The following CFAP299 variants were observed in gnomAD, a reference collection of about 807,000 sequenced individuals.
CFAP299 encodes cilia and flagella associated protein 299.
A neutral mutation model predicts 27.0 loss-of-function variants in CFAP299; 21 were observed. The observed-to-expected ratio is 0.78, with a 90% CI of 0.55 to 1.12. The LOEUF is 1.12. Among genes scored for constraint, CFAP299 ranks in the 50% most tolerant of loss-of-function variants. CFAP299 has a pLI of 0.00. For missense variants in CFAP299, 310 were observed against 276.6 expected (o/e 1.12, Z -0.86); for synonymous variants, 104 against 98.1 (o/e 1.06, Z -0.36).
rs140451968 is a variant in CFAP299, at chr4:80,369,599, C to T, written c.242+6715C>T. 1.2e-4 allele frequency among the ~76,000 whole-genome samples: 19 copies of T among 152,162 alleles called. No homozygotes were observed. In the East Asian group the frequency reaches 3.1e-3, roughly 25 times the overall value. On this transcript the variant is annotated intron_variant, in intron 2 of 5. Transcript: ENST00000358105. ...GTTAGCCATGTATTCTTCCCTATCC[C>T]CATTCTATAACTGCAGTCCTTCTTT...
chr4:80,484,344 A>G (rs1442971631), intron 2 of CFAP299, among the ~76,000 whole-genome samples: 2 of 152,150 alleles, frequency 1.3e-5, no homozygotes, highest in Non-Finnish European at 2.9e-5. Context: ...AAAATAAAAT[A>G]TTTTCCCCAT....
At chr4:80,478,182 G>A (rs1730375556) in intron 2 of CFAP299, among the ~76,000 whole-genome samples, 1 of 152,098 alleles carries the variant, frequency 6.6e-6, no homozygotes, top group South Asian at 2.1e-4. Flanking sequence ...TGTATTGTAT[G>A]CCAACTTTTA....
rs150431594 is a variant in CFAP299, at chr4:80,543,145, C to T, written c.243-39948C>T. Among the ~76,000 whole-genome samples the T allele has an allele frequency of 2.4e-3, 370 of 152,320 alleles. 1 individual carries two copies. Among genetic ancestry groups the T allele is most frequent in the African/African-American group, 8.4e-3 (351 of 41,568 alleles). On this transcript the variant is annotated intron_variant, in intron 2 of 5. Transcript: ENST00000358105. ...GTATCTAGAAACAGTCATTCAACTA[C>T]ACGCAACTGGCACCACAGTCAAATG...
At chr4:80,726,218 T>A (rs529495642) in intron 3 of CFAP299, among the ~76,000 whole-genome samples, 129 of 152,202 alleles carry the variant, frequency 8.5e-4, no homozygotes, top group Non-Finnish European at 1.6e-3. Flanking sequence ...AATGAGTGTG[T>A]TCATGCTGTC....
At chr4:80,336,026 G>A in intron 1 of CFAP299, 147 bp downstream of exon 1, 1 of 614,052 alleles carries the variant, frequency 1.6e-6, no homozygotes, top group Non-Finnish European at 2.9e-6. Context: ...TAAAGCCGCT[G>A]GCGAGGTGAA....
intron 3 of CFAP299, among the ~76,000 whole-genome samples, chr4:80,691,046 A>C (rs1314778326): frequency 7.5e-6 from 1 of 132,744 alleles, no homozygotes; most frequent in African/African-American, 2.8e-5. Flanking sequence ...TTGTGGCAAT[A>C]ATCAATAGCT....
Position 80,464,813 on chromosome 4 carries a change from G to A in CFAP299, c.242+101929G>A, listed in dbSNP as rs148250754. ...GAGCTTTATATTAAAAAAGTATCTG[G>A]AATATTATTAATTAATAGAAAAACA... On this transcript the variant is annotated intron_variant, in intron 2 of 5. Transcript: ENST00000358105. 1.1e-4 allele frequency among the ~76,000 whole-genome samples: 16 copies of A among 151,856 alleles called. No individual in the cohort carries two copies. The East Asian group carries it at 2.9e-3, about 27-fold the overall frequency.
chr4:80,772,715 C>T (rs1726290188), intron 3 of CFAP299, among the ~76,000 whole-genome samples: 1 of 151,928 alleles, frequency 6.6e-6, no homozygotes, highest in African/African-American at 2.4e-5. Context: ...CCTCCTCTTG[C>T]CCTCCGCCTC....
chr4:80,891,665 A>C (rs1192970384), intron 4 of CFAP299, among the ~76,000 whole-genome samples: 1 of 116,878 alleles, frequency 8.6e-6, no homozygotes, highest in Non-Finnish European at 1.8e-5. Context: ...ACCTAATGCT[A>C]GATGACACGT....
rs539656000 is a variant in CFAP299 at position 80,460,834 on chromosome 4, A to G, written c.242+97950A>G. On this transcript the variant is annotated intron_variant, in intron 2 of 5. Transcript: ENST00000358105. ...GCCAAAGAAAAAAGTCAAACTCTGT[A>G]AAATATTTGAAGAGACTTATTCTGA... Among the ~76,000 whole-genome samples the G allele has an allele frequency of 3.9e-5, 6 of 152,326 alleles. No individual in the cohort carries two copies. The East Asian group carries it at 1.2e-3, about 29-fold the overall frequency.
At chr4:80,908,264 G>A (rs1241462939) in intron 4 of CFAP299, among the ~76,000 whole-genome samples, 1 of 152,214 alleles carries the variant, frequency 6.6e-6, no homozygotes, top group Non-Finnish European at 1.5e-5. Context: ...ACTTCAGGTA[G>A]TGCATAAATC....
intron 2 of CFAP299, among the ~76,000 whole-genome samples, chr4:80,488,662 G>A (rs1730953366): frequency 6.6e-6 from 1 of 152,078 alleles, no homozygotes; most frequent in African/African-American, 2.4e-5. Flanking sequence ...ATTCTTAATA[G>A]AGACGGGGTT....
intron 1 of CFAP299, among the ~76,000 whole-genome samples, chr4:80,343,703 G>C (rs1722580328): frequency 6.6e-6 from 1 of 151,360 alleles, no homozygotes; most frequent in Non-Finnish European, 1.5e-5. Context: ...GCAGGAGAAT[G>C]GCGTGAACCC....
intron 5 of CFAP299, among the ~76,000 whole-genome samples, chr4:80,961,770 A>G (rs1271682629): frequency 6.6e-6 from 1 of 151,978 alleles, no homozygotes; most frequent in East Asian, 1.9e-4. Context: ...GATGGGCGCA[A>G]GAGTCTTAAT....
At chr4:80,767,516 G>A (rs2110081703) in intron 3 of CFAP299, among the ~76,000 whole-genome samples, 1 of 152,288 alleles carries the variant, frequency 6.6e-6, no homozygotes, top group Admixed American at 6.5e-5. Flanking sequence ...GGCTGAGGCA[G>A]GAGAATGGCG....
chr4:80,661,543 C>T (rs750826557), intron 3 of CFAP299, among the ~76,000 whole-genome samples: 2 of 152,144 alleles, frequency 1.3e-5, no homozygotes, highest in Non-Finnish European at 2.9e-5. Flanking sequence ...CCAGTCAATA[C>T]TCTTGTGATT....
intron 3 of CFAP299, among the ~76,000 whole-genome samples, chr4:80,757,232 T>A (rs1007090195): frequency 1.3e-5 from 2 of 152,044 alleles, no homozygotes; most frequent in Non-Finnish European, 1.5e-5. Context: ...TTTCTTTTTT[T>A]AAAAAAACAA....
At position 80,838,695 on chromosome 4, in the gene CFAP299, G is replaced by A. The variant is rs570584695; in HGVS notation, c.334-31298G>A. Among the ~76,000 whole-genome samples, 8 of 152,198 alleles carry A rather than the reference G, an allele frequency of 5.3e-5. No individual in the cohort carries two copies. In the South Asian group the frequency reaches 1.7e-3, roughly 32 times the overall value. Reference sequence around the variant, plus strand: ...ATAGTGTAGTTTGAAGTCAGGTAGTGTGATGCCTCCAGCCTTATTCTTTTT... The same window carrying A: ...ATAGTGTAGTTTGAAGTCAGGTAGTATGATGCCTCCAGCCTTATTCTTTTT... On this transcript the variant is annotated intron_variant, in intron 3 of 5. Coordinates refer to ENST00000358105, the MANE Select transcript of CFAP299 (RefSeq NM_152770.3).
At chr4:80,781,753 G>A (rs1726891537) in intron 3 of CFAP299, among the ~76,000 whole-genome samples, 1 of 151,818 alleles carries the variant, frequency 6.6e-6, no homozygotes, top group South Asian at 2.1e-4. Context: ...GATTACATAG[G>A]ACAGGGGTAT....
Sources: gnomAD v4.1 joint callset for allele counts (sites outside exome capture counted in the v4.1 genomes callset) on GRCh38, gnomAD v4.1.1 for gene constraint, MANE v1.5 for transcripts, NCBI Gene and HGNC (gene_info 2026-07-23, HGNC 2026-07-21) for gene names.